The following SCNN1B variants were observed in gnomAD, a reference collection of about 807,000 sequenced individuals.
SCNN1B encodes the protein epithelial sodium channel subunit beta.
A neutral mutation model predicts 65.3 loss-of-function variants in SCNN1B; 46 were observed. The observed-to-expected ratio is 0.70, with a 90% CI of 0.56 to 0.90. The LOEUF is 0.90. Among genes scored for constraint, SCNN1B ranks in the 40% least tolerant of loss-of-function variants. SCNN1B has a pLI of 0.00. For missense variants in SCNN1B, 751 were observed against 830.5 expected (o/e 0.90, Z 1.18); for synonymous variants, 349 against 330.6 (o/e 1.06, Z -0.60).
At chr16:23,353,381 C>T (rs1470845301) in intron 3 of SCNN1B, 10 of 441,256 alleles carry the variant, frequency 2.3e-5, no homozygotes, top group Middle Eastern at 1.4e-3. Context: ...CTAATGAGGT[C>T]ATCAGGAATC....
At chr16:23,282,053 G>A (rs908239295) in intron 1 of SCNN1B, among the ~76,000 whole-genome samples, 1 of 152,022 alleles carries the variant, frequency 6.6e-6, no homozygotes, top group Non-Finnish European at 1.5e-5. Flanking sequence ...AATTAGCCTG[G>A]CATGGAGACT....
intron 5 of SCNN1B, among the ~76,000 whole-genome samples, chr16:23,368,683 C>T (rs984245090): frequency 1.3e-5 from 2 of 152,184 alleles, no homozygotes. Context: ...TGAGTCATTA[C>T]GATGTAATGT....
chr16:23,321,441 G>T (rs931822261), intron 1 of SCNN1B, among the ~76,000 whole-genome samples: 1 of 152,086 alleles, frequency 6.6e-6, no homozygotes, highest in South Asian at 2.1e-4. Flanking sequence ...AGCAGGGCTG[G>T]TGTCTGCTGT....
intron 2 of SCNN1B, among the ~76,000 whole-genome samples, chr16:23,291,832 C>T (rs550440614): frequency 1.3e-5 from 2 of 151,730 alleles, no homozygotes; most frequent in Admixed American, 1.3e-4. Flanking sequence ...CCTCCCACCT[C>T]GGCCTCCCAA....
intron 2 of SCNN1B, among the ~76,000 whole-genome samples, chr16:23,289,041 T>G (rs1372966105): frequency 2.0e-5 from 3 of 152,114 alleles, no homozygotes; most frequent in Non-Finnish European, 4.4e-5. Context: ...ATCACAGAAA[T>G]GACATCCCAT....
chr16:23,362,416 G>A (rs1962571993), intron 4 of SCNN1B, among the ~76,000 whole-genome samples: 1 of 152,088 alleles, frequency 6.6e-6, no homozygotes, highest in African/African-American at 2.4e-5. Flanking sequence ...TACTATGGTT[G>A]TTGTTGTTTC....
At chr16:23,297,423 A>G (rs145720144), upstream of SCNN1B, among the ~76,000 whole-genome samples, 25 of 152,362 alleles carry the variant, frequency 1.6e-4, no homozygotes, top group East Asian at 4.0e-3. Flanking sequence ...AGATACCCCA[A>G]GATGGCTTAG....
upstream of SCNN1B, among the ~76,000 whole-genome samples, chr16:23,300,717 C>A (rs1310334312): frequency 6.6e-6 from 1 of 152,082 alleles, no homozygotes; most frequent in Admixed American, 6.6e-5. Flanking sequence ...GGCACACACA[C>A]CTTGTAGTCC....
At chr16:23,311,033 C>G (rs867149354) in intron 1 of SCNN1B, among the ~76,000 whole-genome samples, 1 of 152,216 alleles carries the variant, frequency 6.6e-6, no homozygotes. Flanking sequence ...GGGTGCAAAT[C>G]GGTGCAAGCT....
At chr16:23,354,745 G>A (rs925880689) in intron 3 of SCNN1B, among the ~76,000 whole-genome samples, 10 of 152,144 alleles carry the variant, frequency 6.6e-5, no homozygotes, top group African/African-American at 9.7e-5. Context: ...TAAGTGTTGC[G>A]GCCACTTGTG....
intron 1 of SCNN1B, among the ~76,000 whole-genome samples, chr16:23,326,065 A>G (rs1961690526): frequency 6.6e-6 from 1 of 151,930 alleles, no homozygotes. Flanking sequence ...ACAGAGCAAG[A>G]CCTTGTCTCT....
Position 23,303,974 on chromosome 16 carries a change from T to C in SCNN1B, c.-9+1537T>C, listed in dbSNP as rs1271499161. 1.1e-5 allele frequency: 11 copies of C among 1,006,350 alleles called. No homozygotes were observed. In the South Asian group the frequency reaches 1.5e-4, roughly 14 times the overall value. 62.3% of individuals were successfully genotyped at this position (1,006,350 alleles called of 1,614,324 possible). A position where few individuals can be genotyped will look rare whatever the true frequency, so the allele number is the denominator to read the frequency against. On this transcript the variant is annotated intron_variant, in intron 1 of 12. Transcript: ENST00000343070. ...CAACCCACCTATGTCATTCTGCAAC[T>C]TGAGCCCTCTCATCACCAGTTATCC... is the stretch of plus-strand genomic sequence containing the variant.
At chr16:23,357,251 G>T (rs757559456) in intron 4 of SCNN1B, among the ~76,000 whole-genome samples, 1 of 152,194 alleles carries the variant, frequency 6.6e-6, no homozygotes, top group South Asian at 2.1e-4. Flanking sequence ...CCTCTAATGA[G>T]AATTCTTCAG....
intron 1 of SCNN1B, among the ~76,000 whole-genome samples, chr16:23,316,147 C>T (rs1961454473): frequency 6.6e-6 from 1 of 151,644 alleles, no homozygotes; most frequent in Admixed American, 6.6e-5. Context: ...CCACCATCAC[C>T]ATCATCACCA....
chr16:23,334,565 T>C (rs1961897205), intron 1 of SCNN1B, among the ~76,000 whole-genome samples: 1 of 152,338 alleles, frequency 6.6e-6, no homozygotes, highest in South Asian at 2.1e-4. Flanking sequence ...CCGTCTGGAC[T>C]GCCCTAGTCC....
intron 11 of SCNN1B, among the ~76,000 whole-genome samples, chr16:23,379,531 A>G (rs1962992197): frequency 6.6e-6 from 1 of 152,068 alleles, no homozygotes; most frequent in African/African-American, 2.4e-5. Flanking sequence ...CAGAAGACAA[A>G]GCTGGAAAGC....
At chr16:23,303,353 C>G (rs1203095488) in intron 1 of SCNN1B, among the ~76,000 whole-genome samples, 1 of 152,090 alleles carries the variant, frequency 6.6e-6, no homozygotes, top group Non-Finnish European at 1.5e-5. Flanking sequence ...CTCACAAAGC[C>G]GGGTGGATGG....
At position 23,357,510 on chromosome 16, in the gene SCNN1B, G is replaced by A. The variant is rs1567309992; in HGVS notation, c.776+2021G>A. Among the ~76,000 whole-genome samples, 3 of 152,186 alleles carry A rather than the reference G, an allele frequency of 2.0e-5. 1 individual carries two copies. The highest frequency in any genetic ancestry group is 1.3e-4 in the Admixed American group (2 of 15,266). On this transcript the variant is annotated intron_variant, in intron 4 of 12. Coordinates refer to ENST00000343070, the MANE Select transcript of SCNN1B (RefSeq NM_000336.3). ...AGGAAGGAGAATCGCTTGAACCCCA[G>A]GGGCGGAGGTTGTAGTGAGCAGAGA...
In SCNN1B at chr16:23,348,322, T is replaced by G. The variant is rs1962229619; in HGVS notation, c.-8-270T>G. On this transcript the variant is annotated intron_variant, in intron 1 of 12. Transcript: ENST00000343070. The surrounding 1 kb of genome is among the most constrained non-coding windows in gnomAD (Gnocchi z 4.5). ...AAAGGGCAAAAAACCTTGTCCATTT[T>G]GCTCATTGAGTCCAGAAGGACCATT... Among the ~76,000 whole-genome samples the G allele has an allele frequency of 6.6e-6, 1 of 152,176 alleles. No homozygotes were observed. The highest frequency in any genetic ancestry group is 1.9e-4 in the East Asian group (1 of 5,204).
Sources: allele counts gnomAD v4.1 joint callset (sites outside exome capture counted in the v4.1 genomes callset), GRCh38; gene constraint gnomAD v4.1.1; non-coding constraint Gnocchi (gnomAD v3.1); transcripts MANE v1.5; gene names NCBI Gene and HGNC (gene_info 2026-07-23, HGNC 2026-07-21).